SGSM2: variants seen among roughly 807,000 people sequenced by gnomAD.
The protein encoded by SGSM2 is small G protein signaling modulator 2.
A neutral mutation model predicts 126.6 loss-of-function variants in SGSM2; 89 were observed. The ratio of observed to expected loss-of-function variants is 0.70; its 90% CI spans 0.59 to 0.84. SGSM2 has a LOEUF of 0.84. SGSM2 is among the 40% of genes least tolerant of loss of function. The pLI is 0.00. For synonymous variants in SGSM2, 614 were observed against 574.3 expected (o/e 1.07, Z -0.99); for missense variants, 1,404 against 1,416.6 (o/e 0.99, Z 0.14).
Position 2,337,725 on chromosome 17 carries a change from C to A in SGSM2, c.37C>A (p.Leu13Met). 1.3e-6 allele frequency: 2 copies of A among 1,545,598 alleles called. No homozygotes were observed. Among genetic ancestry groups the A allele is most frequent in the East Asian group, 2.5e-5 (1 of 39,366 alleles). ...SAEDAVKEKLLWNVKKEVKQI... is the reference protein window; with the variant it reads ...SAEDAVKEKLMWNVKKEVKQI... Reference sequence around the variant, plus strand: ...AGAGGACGCAGTCAAAGAGAAACTGCTGTGGAACGTGAAGAAGGAGGTAAA... The same window carrying A: ...AGAGGACGCAGTCAAAGAGAAACTGATGTGGAACGTGAAGAAGGAGGTAAA... Residue 13 changes from leucine (L) to methionine (M), a missense_variant, in exon 1 of 24, where the codon CTG becomes ATG. Coordinates refer to ENST00000268989, the MANE Select transcript of SGSM2 (RefSeq NM_014853.3). The surrounding 1 kb of genome is among the most constrained non-coding windows in gnomAD (Gnocchi z 5.1).
chr17:2,361,611 A>G, intron 2 of SGSM2, 26 bp from the exon 3 acceptor site: 1 of 1,610,950 alleles, frequency 6.2e-7, no homozygotes, highest in Non-Finnish European at 8.5e-7. Context: ...TCCCAGGCTC[A>G]GATGCCGTTT....
At chr17:2,374,967 C>T (rs1338007978) in intron 17 of SGSM2, 1 of 152,644 alleles carries the variant, frequency 6.6e-6, no homozygotes, top group African/African-American at 2.4e-5. Context: ...GCTTTTCCTT[C>T]CTACATCTCC....
intron 17 of SGSM2, chr17:2,374,167 C>T (rs879574422): frequency 2.6e-5 from 4 of 152,248 alleles, no homozygotes; most frequent in Non-Finnish European, 5.9e-5. Flanking sequence ...TGATAAGTTT[C>T]AATTTTAAGG....
In SGSM2 at chr17:2,380,146, C is replaced by T; in HGVS notation, c.*626C>T. The T allele has an allele frequency of 1.4e-6, 2 of 1,458,168 alleles. No individual in the cohort carries two copies. The highest frequency in any genetic ancestry group is 1.8e-6 in the Non-Finnish European group (2 of 1,105,514). 90.3% of individuals were successfully genotyped at this position (1,458,168 alleles called of 1,614,324 possible). A position where few individuals can be genotyped will look rare whatever the true frequency, so the allele number is the denominator to read the frequency against. On this transcript the variant is annotated 3_prime_UTR_variant, in exon 24 of 24. Coordinates refer to ENST00000268989, the MANE Select transcript of SGSM2 (RefSeq NM_014853.3). ...GGGTGGGAGCAGCCCACTTCAGCAG[C>T]ACTGCCACTGCCTTTGGCCACCTGA...
intron 2 of SGSM2, among the ~76,000 whole-genome samples, chr17:2,354,546 C>T (rs1367051497): frequency 1.3e-5 from 2 of 152,204 alleles, no homozygotes; most frequent in Non-Finnish European, 2.9e-5. Context: ...CTTCACCTGT[C>T]CCCTATTGAT....
chr17:2,352,305 C>A (rs1039463327), intron 2 of SGSM2, among the ~76,000 whole-genome samples: 10 of 152,180 alleles, frequency 6.6e-5, no homozygotes, highest in African/African-American at 2.4e-4. Flanking sequence ...CTCTAATTAG[C>A]GTCTCCCAAA....
chr17:2,361,990 C>A, intron 3 of SGSM2, 119 bp from the exon 4 acceptor site: 1 of 1,391,306 alleles, frequency 7.2e-7, no homozygotes. Context: ...CCTTCACCTC[C>A]CAACCCCAGT....
chr17:2,363,336 C>G lies in SGSM2; in HGVS notation c.673-129C>G. The G allele has an allele frequency of 6.9e-7, 1 of 1,454,820 alleles. No homozygotes were observed. The highest frequency in any genetic ancestry group is 9.3e-7 in the Non-Finnish European group (1 of 1,078,906). The allele number at this position is 1,454,820 out of a possible 1,614,324, so 90.1% of individuals were successfully genotyped here. On this transcript the variant is annotated intron_variant, in intron 6 of 23. Coordinates refer to ENST00000268989, the MANE Select transcript of SGSM2 (RefSeq NM_014853.3). This position sits in a 1 kb window ranked among gnomAD's most constrained non-coding sequence, Gnocchi z 4.2. ...TCCGTGGCTGGAGAGCAGAGGGTGG[C>G]TGGGAGTAAACCGGGGCAGGAAGGA...
Position 2,362,835 on chromosome 17 carries a change from C to T in SGSM2, c.459-3C>T. On this transcript the variant is annotated splice_polypyrimidine_tract_variant and splice_region_variant and intron_variant, in intron 4 of 23. Transcript: ENST00000268989. The surrounding 1 kb of genome is among the most constrained non-coding windows in gnomAD (Gnocchi z 4.9). Reference sequence around the variant, plus strand: ...GGCAGTCACACTGTCTGTCTCCTGGCAGCAAGTACTACGAGAAGGAGGCAC... The same window carrying T: ...GGCAGTCACACTGTCTGTCTCCTGGTAGCAAGTACTACGAGAAGGAGGCAC... 6.2e-7 allele frequency: 1 copy of T among 1,613,956 alleles called. No individual in the cohort carries two copies. Among genetic ancestry groups the T allele is most frequent in the South Asian group, 1.1e-5 (1 of 91,082 alleles).
chr17:2,370,507 G>A (rs2065818346), intron 12 of SGSM2, among the ~76,000 whole-genome samples: 2 of 152,268 alleles, frequency 1.3e-5, no homozygotes, highest in African/African-American at 2.4e-5. Context: ...TCTGTGCCCA[G>A]CCACCACTCC....
chr17:2,374,889 G>GT (rs1273686921), intron 17 of SGSM2, among the ~76,000 whole-genome samples: 1 of 152,146 alleles, frequency 6.6e-6, no homozygotes, highest in Admixed American at 6.5e-5. Context: ...AACAGTCTCT[G>GT]TATGTGTCTC....
Position 2,365,045 on chromosome 17 carries a change from C to A in SGSM2, c.1149C>A (p.Thr383=). The A allele has an allele frequency of 1.2e-6, 2 of 1,612,746 alleles. No individual in the cohort carries two copies. The highest frequency in any genetic ancestry group is 1.7e-6 in the Non-Finnish European group (2 of 1,179,606). Residue 383 remains threonine (T), a synonymous_variant, in exon 10 of 24, where the codon ACC becomes ACA. Transcript: ENST00000268989. ...PRGQLEPPLW[T]QQGKGKVFPK... is the part of the protein sequence containing the mutation. ...GACAGCTAGAGCCCCCGCTGTGGAC[C>A]CAGCAAGGGAAGGTAACTCGGGTGG...
At chr17:2,354,872 G>A (rs1161315680) in intron 2 of SGSM2, among the ~76,000 whole-genome samples, 4 of 138,952 alleles carry the variant, frequency 2.9e-5, no homozygotes, top group Non-Finnish European at 1.5e-5. Context: ...TAGAATGGTG[G>A]AATCGGGGTG....
chr17:2,351,816 C>G (rs985623733), intron 2 of SGSM2, among the ~76,000 whole-genome samples: 3 of 152,140 alleles, frequency 2.0e-5, no homozygotes, highest in Non-Finnish European at 4.4e-5. Flanking sequence ...CGCCTCAGGA[C>G]AGTTCTTTAT....
rs753406469 is a variant in SGSM2, at chr17:2,362,199, C to G, written c.387C>G (p.His129Gln). 2 of 1,613,634 alleles carry G rather than the reference C, an allele frequency of 1.2e-6. No homozygotes were observed. Among genetic ancestry groups the G allele is most frequent in the African/African-American group, 2.7e-5 (2 of 74,830 alleles). ...CCCTCAGCCCTCAGGCCTTGAAACA[C>G]GTATGGGTACGCACGGCGCTCATCG... is the stretch of plus-strand genomic sequence containing the variant. ...APALSPQALK[H>Q]VWVRTALIEK... Residue 129 changes from histidine (H) to glutamine (Q), a missense_variant, in exon 4 of 24, where the codon CAC (histidine) becomes CAG (glutamine). Coordinates refer to ENST00000268989, the MANE Select transcript of SGSM2 (RefSeq NM_014853.3). This position sits in a 1 kb window ranked among gnomAD's most constrained non-coding sequence, Gnocchi z 4.9.
intron 2 of SGSM2, among the ~76,000 whole-genome samples, chr17:2,360,001 CA>C (rs2065245734): frequency 6.6e-6 from 1 of 152,126 alleles, no homozygotes; most frequent in African/African-American, 2.4e-5. Flanking sequence ...CTCCAGGGAC[CA>C]GGGGGAATGA....
intron 1 of SGSM2, among the ~76,000 whole-genome samples, chr17:2,338,814 G>A (rs1389838232): frequency 2.3e-5 from 3 of 129,172 alleles, no homozygotes; most frequent in Non-Finnish European, 4.9e-5. Flanking sequence ...ATCCCAGCAC[G>A]TTGGGAGGCC....
chr17:2,340,731 C>T (rs1479732529), intron 1 of SGSM2, among the ~76,000 whole-genome samples: 4 of 151,976 alleles, frequency 2.6e-5, no homozygotes, highest in Non-Finnish European at 5.9e-5. Flanking sequence ...ACTACAGGCG[C>T]CTGCCACCAC....
chr17:2,359,483 G>A (rs1482829977), intron 2 of SGSM2, among the ~76,000 whole-genome samples: 1 of 152,162 alleles, frequency 6.6e-6, no homozygotes, highest in Non-Finnish European at 1.5e-5. Context: ...ACACTGCCTG[G>A]CACCTTGCCT....
Sources: gnomAD v4.1 joint callset for allele counts (sites outside exome capture counted in the v4.1 genomes callset) on GRCh38, gnomAD v4.1.1 for gene constraint, Gnocchi (gnomAD v3.1) non-coding constraint, MANE v1.5 for transcripts, NCBI Gene and HGNC (gene_info 2026-07-23, HGNC 2026-07-21) for gene names.